SLC9A6: variants seen among roughly 807,000 people sequenced by gnomAD.
SLC9A6 encodes the protein sodium/hydrogen exchanger 6.
Under a neutral mutation model 45.3 loss-of-function variants are expected in SLC9A6, and 6 were observed. The observed-to-expected ratio is 0.13, with a 90% CI of 0.07 to 0.26. The LOEUF (loss-of-function observed/expected upper bound fraction) is 0.26. Ranked by LOEUF, SLC9A6 falls within the 10% of genes least tolerant of loss-of-function variation. SLC9A6 has a pLI of 1.00. For missense variants in SLC9A6, 278 were observed against 503.7 expected (o/e 0.55, Z 4.29); for synonymous variants, 191 against 187.7 (o/e 1.02, Z -0.14).
intron 11 of SLC9A6, among the ~76,000 whole-genome samples, chrX:136,021,688 G>A (rs924635992): frequency 2.7e-5 from 3 of 111,373 alleles, no homozygotes; most frequent in East Asian, 5.6e-4. Flanking sequence ...CACCACACCC[G>A]GCTCATTTTT....
chrX:135,974,465 C>G (rs1172045265), upstream of SLC9A6, among the ~76,000 whole-genome samples: 177 of 16,763 alleles, frequency 0.011, 3 homozygotes, highest in African/African-American at 0.039. Flanking sequence ...GGAGTGGGAC[C>G]GAGGGGGCGG....
At chrX:136,010,619 A>G (rs1556618529) in intron 8 of SLC9A6, 36 bp downstream of exon 8, 5 of 1,141,754 alleles carry the variant, frequency 4.4e-6, no homozygotes, top group Non-Finnish European at 4.8e-6. Flanking sequence ...TCTTGTTAAC[A>G]TAATATAGTA....
chrX:136,031,943 T>C (rs1447321687), intron 15 of SLC9A6, among the ~76,000 whole-genome samples: 1 of 112,332 alleles, frequency 8.9e-6, no homozygotes, highest in Non-Finnish European at 1.9e-5. Context: ...GTGTTATATA[T>C]AAGTTGATAC....
At chrX:136,032,873 C>CT (rs1337977733) in intron 15 of SLC9A6, among the ~76,000 whole-genome samples, 3 of 111,038 alleles carry the variant, frequency 2.7e-5, no homozygotes, top group Non-Finnish European at 5.7e-5. Context: ...GATTTTTTTT[C>CT]TTTTTTTTGA....
chrX:136,007,002 G>A (rs552244049), intron 7 of SLC9A6, among the ~76,000 whole-genome samples: 1 of 110,723 alleles, frequency 9.0e-6, no homozygotes. Context: ...GAGTAGCTGG[G>A]ATTACAGGTG....
intron 17 of SLC9A6, among the ~76,000 whole-genome samples, chrX:136,043,754 A>C (rs182056302): frequency 8.9e-6 from 1 of 112,467 alleles, no homozygotes; most frequent in East Asian, 2.8e-4. Flanking sequence ...GGGACTATGT[A>C]TTCCTGATTC....
intron 10 of SLC9A6, among the ~76,000 whole-genome samples, chrX:136,014,981 T>TC (rs2070993093): frequency 8.9e-6 from 1 of 112,241 alleles, no homozygotes; most frequent in Admixed American, 9.4e-5. Flanking sequence ...AACAGTACCC[T>TC]TAGAAGGATG....
chrX:135,975,251 T>C (rs2089255240), intron 1 of SLC9A6: 1 of 112,752 alleles, frequency 8.9e-6, no homozygotes, highest in African/African-American at 3.2e-5. Flanking sequence ...GTTCCTCCAG[T>C]GACCCCTGAC....
chrX:135,990,909 T>G (rs1370667120), intron 2 of SLC9A6, among the ~76,000 whole-genome samples: 2 of 112,032 alleles, frequency 1.8e-5, no homozygotes, highest in Non-Finnish European at 3.8e-5. Flanking sequence ...AGAGGACAGC[T>G]TTTACTGAGC....
chrX:135,976,193 C>G (rs1556613329), intron 1 of SLC9A6, among the ~76,000 whole-genome samples: 1 of 110,936 alleles, frequency 9.0e-6, no homozygotes, highest in East Asian at 2.8e-4. Flanking sequence ...GCATTCCTTA[C>G]AAATGTAGTT....
Position 135,985,633 on chromosome X carries a change from A to ACGG in SLC9A6, c.-16_-14dup, listed in dbSNP as rs796053292. On this transcript the variant is annotated 5_prime_UTR_variant, in exon 2 of 18. Coordinates refer to ENST00000630721, the MANE Select transcript of SLC9A6 (RefSeq NM_001379110.1). Reference sequence around the variant, plus strand: ...GTCTTTGACTGGGCAGGGGCTTCGGACGGCGGCGGCGGAGAGGCTAGAGCC... The same window carrying ACGG: ...GTCTTTGACTGGGCAGGGGCTTCGGACGGCGGCGGCGGCGGAGAGGCTAGAGCC... The ACGG allele has an allele frequency of 3.3e-6, 4 of 1,207,436 alleles. No individual in the cohort carries two copies. Among genetic ancestry groups the ACGG allele is most frequent in the Non-Finnish European group, 3.4e-6 (3 of 893,954 alleles).
intron 16 of SLC9A6, among the ~76,000 whole-genome samples, chrX:136,039,383 C>T (rs1413559916): frequency 9.1e-6 from 1 of 110,000 alleles, no homozygotes; most frequent in Non-Finnish European, 1.9e-5. Context: ...GTGATTCCCT[C>T]TTTTTTCTTC....
At chrX:136,026,894 C>A (rs2071237507) in intron 13 of SLC9A6, among the ~76,000 whole-genome samples, 1 of 111,563 alleles carries the variant, frequency 9.0e-6, no homozygotes, top group Admixed American at 9.6e-5. Flanking sequence ...TTGGCACTTT[C>A]TGGAGACATT....
At chrX:136,011,073 G>T (rs2070910944) in intron 8 of SLC9A6, among the ~76,000 whole-genome samples, 1 of 111,992 alleles carries the variant, frequency 8.9e-6, no homozygotes, top group African/African-American at 3.2e-5. Flanking sequence ...CCCTGGACGG[G>T]AAGCCCAAAG....
intron 17 of SLC9A6, among the ~76,000 whole-genome samples, chrX:136,041,891 G>T (rs1298979174): frequency 9.0e-6 from 1 of 111,573 alleles, no homozygotes. Flanking sequence ...ACTCCTGGTG[G>T]CTTCCTGGCT....
intron 6 of SLC9A6, among the ~76,000 whole-genome samples, chrX:136,001,155 A>G (rs782110179): frequency 2.2e-4 from 24 of 109,399 alleles, no homozygotes; most frequent in African/African-American, 7.7e-4. Context: ...CTAACACGGT[A>G]AAACTCTGTC....
At chrX:135,996,860 G>A (rs1187713296) in intron 3 of SLC9A6, among the ~76,000 whole-genome samples, 9 of 109,181 alleles carry the variant, frequency 8.2e-5, no homozygotes, top group East Asian at 2.9e-4. Context: ...TCTGCCTCCT[G>A]GGTTCACGCC....
chrX:135,994,433 A>G (rs190223994), intron 2 of SLC9A6, among the ~76,000 whole-genome samples: 218 of 111,420 alleles, frequency 2.0e-3, no homozygotes, highest in South Asian at 8.3e-3. Context: ...ACACGATTGC[A>G]CTGTCGAGTT....
At position 136,022,592 on chromosome X, in the gene SLC9A6, A is replaced by G. The variant is rs782377840; in HGVS notation, c.1201A>G (p.Ile401Val). 3 of 1,169,128 alleles carry G rather than the reference A, an allele frequency of 2.6e-6. No homozygotes were observed. Among genetic ancestry groups the G allele is most frequent in the Non-Finnish European group, 3.5e-6 (3 of 861,743 alleles). Residue 401 changes from isoleucine to valine, a missense_variant, in exon 12 of 18, where the codon ATT becomes GTT. Around this residue, in one of 5 missense-constraint regions of SLC9A6, gnomAD observed 41 missense variants for 51.8 expected, o/e 0.79. Coordinates refer to ENST00000630721, the MANE Select transcript of SLC9A6 (RefSeq NM_001379110.1). ...AACCTATTAATAATTTTAGGTTGCTATTTTCTTGGGAAGAGCTGCCAATAT... is the reference window on the plus strand; with the variant it reads ...AACCTATTAATAATTTTAGGTTGCTGTTTTCTTGGGAAGAGCTGCCAATAT... ...PTFVVGAFVA[I>V]FLGRAANIYP...
Sources: gnomAD v4.1 joint callset for allele counts (sites outside exome capture counted in the v4.1 genomes callset) on GRCh38, gnomAD v4.1.1 for gene constraint, gnomAD v4.1.1 regional missense constraint, MANE v1.5 for transcripts, NCBI Gene and HGNC (gene_info 2026-07-23, HGNC 2026-07-21) for gene names.